Variants in WWOX observed in about 807,000 individuals in gnomAD.
WWOX encodes the protein WW domain containing oxidoreductase.
In WWOX, 69 loss-of-function variants were observed where a neutral mutation model predicts 46.2. The observed-to-expected ratio is 1.49, with a 90% CI of 1.23 to 1.82. The LOEUF (loss-of-function observed/expected upper bound fraction) is 1.82. Ranked by LOEUF, WWOX falls within the 40% of genes most tolerant of loss-of-function variation. WWOX has a pLI of 0.00. For missense variants in WWOX, 919 were observed against 542.6 expected (o/e 1.69, Z -6.89); for synonymous variants, 359 against 202.6 (o/e 1.77, Z -6.56).
chr16:79,110,412 C>G (rs750238499), intron 8 of WWOX, among the ~76,000 whole-genome samples: 1 of 152,116 alleles, frequency 6.6e-6, no homozygotes, highest in Non-Finnish European at 1.5e-5. Flanking sequence ...GAGCTCTGAG[C>G]CCAAGGAGCA....
At chr16:78,215,877 G>A (rs2036703102) in intron 5 of WWOX, among the ~76,000 whole-genome samples, 1 of 150,724 alleles carries the variant, frequency 6.6e-6, no homozygotes, top group Admixed American at 6.6e-5. Context: ...AGTGAGCCGA[G>A]ATCATGCCAC....
At chr16:78,320,967 TAG>T (rs2151883387) in intron 5 of WWOX, among the ~76,000 whole-genome samples, 1 of 152,282 alleles carries the variant, frequency 6.6e-6, no homozygotes, top group Admixed American at 6.5e-5. Flanking sequence ...TGTTTACAAT[TAG>T]AGTCTGCATT....
intron 8 of WWOX, among the ~76,000 whole-genome samples, chr16:78,585,713 T>G (rs1567662135): frequency 6.6e-6 from 1 of 151,616 alleles, no homozygotes; most frequent in Non-Finnish European, 1.5e-5. Context: ...TTTGTTTTTT[T>G]GCCTAATTTG....
chr16:79,089,119 C>A (rs912628271), intron 8 of WWOX, among the ~76,000 whole-genome samples: 19 of 152,104 alleles, frequency 1.2e-4, no homozygotes, highest in African/African-American at 4.1e-4. Flanking sequence ...TGTGACTTTT[C>A]ATCAGGAAGG....
At chr16:78,120,225 G>C (rs2033020095) in intron 4 of WWOX, among the ~76,000 whole-genome samples, 1 of 152,252 alleles carries the variant, frequency 6.6e-6, no homozygotes, top group East Asian at 1.9e-4. Context: ...AAAAGTACGT[G>C]CTCAAGGTAT....
intron 5 of WWOX, among the ~76,000 whole-genome samples, chr16:78,315,456 C>G (rs2080339514): frequency 1.3e-5 from 2 of 152,044 alleles, no homozygotes; most frequent in African/African-American, 4.8e-5. Flanking sequence ...CGAGACCAGC[C>G]CGGCCAACAT....
chr16:78,186,931 A>C (rs1302871644), intron 5 of WWOX, among the ~76,000 whole-genome samples: 3 of 152,194 alleles, frequency 2.0e-5, no homozygotes, highest in African/African-American at 7.2e-5. Flanking sequence ...TGACACTGGC[A>C]TGATAATATT....
intron 8 of WWOX, among the ~76,000 whole-genome samples, chr16:78,484,548 G>C (rs1386373045): frequency 1.3e-5 from 2 of 152,180 alleles, no homozygotes; most frequent in Non-Finnish European, 2.9e-5. Context: ...TTGACTTATA[G>C]TCTAATAATC....
chr16:79,170,995 T>C (rs2050689683), intron 8 of WWOX, among the ~76,000 whole-genome samples: 1 of 152,212 alleles, frequency 6.6e-6, no homozygotes, highest in Admixed American at 6.5e-5. Context: ...ATGTGAGATG[T>C]TGGGAAATGT....
At chr16:78,983,930 T>G (rs2046733910) in intron 8 of WWOX, among the ~76,000 whole-genome samples, 1 of 126,748 alleles carries the variant, frequency 7.9e-6, no homozygotes, top group Non-Finnish European at 1.6e-5. Context: ...CAGGCTGGAG[T>G]GCAGTGGCGC....
chr16:78,628,840 C>T (rs952300288), intron 8 of WWOX, among the ~76,000 whole-genome samples: 7 of 152,170 alleles, frequency 4.6e-5, no homozygotes, highest in South Asian at 2.1e-4. Context: ...CAGCTGGTTT[C>T]GTGAGGGATT....
At position 78,767,086 on chromosome 16, in the gene WWOX, C is replaced by G. The variant is rs1470745899; in HGVS notation, c.1056+334334C>G. The stretch of plus-strand genomic sequence containing the variant: ...CCTCCCTCCCTCCCTCCCTCCTTCT[C>G]TCTCTCCTTTCCTCCCTTCCTTCCT... On this transcript the variant is annotated intron_variant, in intron 8 of 8. Transcript: ENST00000566780. Among the ~76,000 whole-genome samples, 12 of 128,262 alleles carry G rather than the reference C, an allele frequency of 9.4e-5. No individual in the cohort carries two copies. In the East Asian group the frequency reaches 2.5e-3, roughly 27 times the overall value. The allele number at this position is 128,262 out of a possible 152,430, so 84.1% of individuals were successfully genotyped here.
intron 8 of WWOX, among the ~76,000 whole-genome samples, chr16:78,744,697 G>A (rs1413967274): frequency 6.6e-6 from 1 of 152,108 alleles, no homozygotes; most frequent in Non-Finnish European, 1.5e-5. Flanking sequence ...CTCCCAAAGT[G>A]CTGGGATTAC....
chr16:78,267,404 C>T (rs79315341), intron 5 of WWOX, among the ~76,000 whole-genome samples: 15,008 of 152,268 alleles, frequency 0.099, 894 homozygotes, highest in Admixed American at 0.14. Context: ...GCTTCATTTT[C>T]TGCATTTGCA....
chr16:79,011,565 C>T lies in WWOX; in HGVS notation c.1057-200043C>T, dbSNP rs187281227. 2.6e-5 allele frequency among the ~76,000 whole-genome samples: 4 copies of T among 151,372 alleles called. No individual in the cohort carries two copies. In the East Asian group the frequency reaches 5.8e-4, roughly 22 times the overall value. The stretch of plus-strand genomic sequence containing the variant: ...GGAGTGCAGTGACATGGTGATGGCT[C>T]ACCACAGCCTCAGCCTCCCTGGGCT... On this transcript the variant is annotated intron_variant, in intron 8 of 8. Transcript: ENST00000566780.
intron 8 of WWOX, among the ~76,000 whole-genome samples, chr16:78,663,495 C>T (rs545510781): frequency 1.1e-4 from 16 of 152,272 alleles, no homozygotes; most frequent in African/African-American, 3.6e-4. Flanking sequence ...ACTTCTGGCT[C>T]TTATGGGTAA....
chr16:78,354,213 G>A (rs1297897355), intron 5 of WWOX, among the ~76,000 whole-genome samples: 1 of 151,812 alleles, frequency 6.6e-6, no homozygotes, highest in Non-Finnish European at 1.5e-5. Flanking sequence ...AACGTTTGCT[G>A]GTGCCCACCC....
chr16:78,484,427 CTTGT>C (rs1230648693), intron 8 of WWOX, among the ~76,000 whole-genome samples: 1 of 152,094 alleles, frequency 6.6e-6, no homozygotes, highest in Non-Finnish European at 1.5e-5. Context: ...TACTCTGTAA[CTTGT>C]TTAAGATACC....
At chr16:78,321,428 A>ATT (rs2080479908) in intron 5 of WWOX, among the ~76,000 whole-genome samples, 1 of 142,998 alleles carries the variant, frequency 7.0e-6, no homozygotes, top group Non-Finnish European at 1.5e-5. Context: ...GTGTATATAT[A>ATT]TATATAAAAA....
Sources: gnomAD v4.1 joint callset for allele counts (sites outside exome capture counted in the v4.1 genomes callset) on GRCh38, gnomAD v4.1.1 for gene constraint, MANE v1.5 for transcripts, NCBI Gene and HGNC (gene_info 2026-07-23, HGNC 2026-07-21) for gene names.